Variants in SDK2 observed in about 807,000 individuals in gnomAD.
The protein encoded by SDK2 is sidekick cell adhesion molecule 2, also known as protein sidekick-2.
Under a neutral mutation model 253.9 loss-of-function variants are expected in SDK2, and 105 were observed. That is an observed-to-expected ratio of 0.41 (90% CI 0.35 to 0.49). The LOEUF (loss-of-function observed/expected upper bound fraction) is 0.49. Among genes scored for constraint, SDK2 ranks in the 20% least tolerant of loss-of-function variants. SDK2 has a pLI of 0.06. For missense variants in SDK2, 2,608 were observed against 3,003.0 expected (o/e 0.87, Z 3.07); for synonymous variants, 1,249 against 1,234.9 (o/e 1.01, Z -0.24).
chr17:73,524,200 G>A (rs1476538360), intron 1 of SDK2, among the ~76,000 whole-genome samples: 7 of 152,266 alleles, frequency 4.6e-5, no homozygotes, highest in African/African-American at 9.6e-5. Flanking sequence ...GGTGACTGAC[G>A]ACATTCTGTG....
chr17:73,632,480 C>T (rs987442702), intron 1 of SDK2, among the ~76,000 whole-genome samples: 14 of 152,228 alleles, frequency 9.2e-5, no homozygotes, highest in Non-Finnish European at 2.1e-4. Flanking sequence ...TCCAGGGGCT[C>T]TCAGACCTTT....
rs1196599566 is a variant in SDK2 at position 73,415,461 on chromosome 17, G to A, written c.2368+350C>T. Among the ~76,000 whole-genome samples, 3 of 150,238 alleles carry A rather than the reference G, an allele frequency of 2.0e-5. No homozygotes were observed. The South Asian group carries it at 6.3e-4, about 31-fold the overall frequency. On this transcript the variant is annotated intron_variant, in intron 17 of 44. Transcript: ENST00000392650. ...TTAACTTCCCCAGGCTCCAGCCTTG[G>A]GGACCTCCCGAGTAGCTGGGACCAC...
intron 1 of SDK2, among the ~76,000 whole-genome samples, chr17:73,526,807 T>A (rs566494849): frequency 6.6e-6 from 1 of 152,312 alleles, no homozygotes; most frequent in East Asian, 1.9e-4. Flanking sequence ...TTACGTGCAG[T>A]GTGAGGAAAG....
At chr17:73,408,903 C>T (rs1219986033) in intron 18 of SDK2, among the ~76,000 whole-genome samples, 1 of 152,164 alleles carries the variant, frequency 6.6e-6, no homozygotes, top group Non-Finnish European at 1.5e-5. Flanking sequence ...GATGATATTA[C>T]AGGGCCTGCT....
chr17:73,404,730 A>C (rs1254998350), intron 18 of SDK2, among the ~76,000 whole-genome samples: 1 of 152,166 alleles, frequency 6.6e-6, no homozygotes, highest in Non-Finnish European at 1.5e-5. Context: ...GATTTACCAT[A>C]CTAGGTCCTT....
chr17:73,359,334 C>T (rs1044612308), intron 39 of SDK2, among the ~76,000 whole-genome samples: 1 of 152,158 alleles, frequency 6.6e-6, no homozygotes, highest in Non-Finnish European at 1.5e-5. Flanking sequence ...CCTGGCAGCC[C>T]CGCCTGGCCC....
chr17:73,479,510 C>CGGGCAAAA (rs2063708324), intron 2 of SDK2, among the ~76,000 whole-genome samples: 1 of 152,104 alleles, frequency 6.6e-6, no homozygotes, highest in Non-Finnish European at 1.5e-5. Context: ...TTCAGGAAAT[C>CGGGCAAAA]GGGCAAAACT....
intron 1 of SDK2, among the ~76,000 whole-genome samples, chr17:73,583,649 C>T (rs570128934): frequency 6.8e-4 from 104 of 152,324 alleles, no homozygotes; most frequent in African/African-American, 2.2e-3. Context: ...CACAAACCAG[C>T]GAACACTTGG....
intron 38 of SDK2, among the ~76,000 whole-genome samples, chr17:73,362,629 G>A (rs2062650979): frequency 6.6e-6 from 1 of 151,968 alleles, no homozygotes; most frequent in East Asian, 1.9e-4. Context: ...GGCCTCAAGT[G>A]ATCCTCCCAC....
intron 36 of SDK2, among the ~76,000 whole-genome samples, chr17:73,371,069 T>C (rs912663981): frequency 6.6e-6 from 1 of 151,956 alleles, no homozygotes; most frequent in African/African-American, 2.4e-5. Flanking sequence ...ATCTCTAAAA[T>C]AACATAAAAA....
At chr17:73,348,761 C>T (rs2062508481) in intron 43 of SDK2, 36 bp from the exon 44 acceptor site, 2 of 1,586,948 alleles carry the variant, frequency 1.3e-6, no homozygotes, top group Non-Finnish European at 8.5e-7. Flanking sequence ...GAGAGGTGCA[C>T]TCACTCAGAG....
chr17:73,573,025 T>G (rs1044480397), intron 1 of SDK2, among the ~76,000 whole-genome samples: 1 of 152,178 alleles, frequency 6.6e-6, no homozygotes, highest in African/African-American at 2.4e-5. Flanking sequence ...GTGTGCCACA[T>G]GAAGGAACGG....
intron 1 of SDK2, among the ~76,000 whole-genome samples, chr17:73,627,352 G>A (rs142808396): frequency 1.3e-4 from 19 of 151,898 alleles, no homozygotes; most frequent in Middle Eastern, 3.4e-3. Context: ...TATAATTGAT[G>A]TGTCTTAGGT....
At chr17:73,542,879 A>G (rs913120460) in intron 1 of SDK2, among the ~76,000 whole-genome samples, 1 of 152,192 alleles carries the variant, frequency 6.6e-6, no homozygotes, top group Non-Finnish European at 1.5e-5. Context: ...AAATGACTGC[A>G]GTCCCACAAG....
chr17:73,483,684 TA>T lies in SDK2; in HGVS notation c.225-11467del, dbSNP rs1567799358. 6.1e-4 allele frequency among the ~76,000 whole-genome samples: 28 copies of T among 45,856 alleles called. 3 individuals carry two copies. The highest frequency in any genetic ancestry group is 1.0e-3 in the Admixed American group (3 of 2,964). The allele number at this position is 45,856 out of a possible 152,430, so 30.1% of individuals were successfully genotyped here. On this transcript the variant is annotated intron_variant, in intron 2 of 44. Transcript: ENST00000392650. ...GTGTATATATATATATATATATATT[TA>T]TATATATATATATATATATATATTT...
chr17:73,348,564 G>T (rs755514140), intron 44 of SDK2, 35 bp downstream of exon 44: 24 of 1,605,538 alleles, frequency 1.5e-5, no homozygotes, highest in Non-Finnish European at 2.0e-5. Flanking sequence ...GCTGCTCCCT[G>T]CCCCCTGCAG....
chr17:73,422,477 G>T, intron 14 of SDK2, 43 bp from the exon 15 acceptor site: 2 of 1,598,196 alleles, frequency 1.3e-6, no homozygotes, highest in Non-Finnish European at 1.7e-6. Context: ...ATCTTGGGTG[G>T]GATGAAGCAT....
rs578170363 is a variant in SDK2 at position 73,379,839 on chromosome 17, G to A, written c.4763-290C>T. On this transcript the variant is annotated intron_variant, in intron 34 of 44. Transcript: ENST00000392650. The surrounding 1 kb of genome is among the most constrained non-coding windows in gnomAD (Gnocchi z 4.5). ...TGAAACCACTATGAATATTTACACC[G>A]GGACAACCAGTGTAAACCAAAGCTG... 3.0e-4 allele frequency among the ~76,000 whole-genome samples: 46 copies of A among 151,912 alleles called. No individual in the cohort carries two copies. Among genetic ancestry groups the A allele is most frequent in the Non-Finnish European group, 5.7e-4 (39 of 67,982 alleles).
chr17:73,401,659 A>G lies in SDK2; in HGVS notation c.2774T>C (p.Leu925Pro). Residue 925 changes from leucine to proline, a missense_variant, in exon 20 of 45, where the codon CTC becomes CCC. Physicochemically the swap from Leu to Pro is moderately conservative, Grantham distance 98 (BLOSUM62 -3). This residue lies in a region of SDK2 where 1,505 missense variants were observed against 1,859.1 expected (regional missense o/e 0.81). Transcript: ENST00000392650. ...WQEPGEKNGILTGYRISWEEY... is the reference protein window; with the variant it reads ...WQEPGEKNGIPTGYRISWEEY... ...AGAAACACTGCAGTGCCTACCTGTG[A>G]GGATGCCATTTTTCTCTCCCGGCTC... 6.3e-7 allele frequency: 1 copy of G among 1,588,146 alleles called. No individual in the cohort carries two copies. Among genetic ancestry groups the G allele is most frequent in the Non-Finnish European group, 8.6e-7 (1 of 1,165,924 alleles).
Sources: allele counts gnomAD v4.1 joint callset (sites outside exome capture counted in the v4.1 genomes callset), GRCh38; gene constraint gnomAD v4.1.1; regional missense constraint gnomAD v4.1.1; non-coding constraint Gnocchi (gnomAD v3.1); transcripts MANE v1.5; gene names NCBI Gene and HGNC (gene_info 2026-07-23, HGNC 2026-07-21).